Variants in SLC25A29 observed in about 807,000 individuals in gnomAD.
SLC25A29 encodes solute carrier family 25 member 29.
Under a neutral mutation model 10.0 loss-of-function variants are expected in SLC25A29, and 13 were observed. The ratio of observed to expected loss-of-function variants is 1.30; its 90% CI spans 0.85 to 2.07. The LOEUF (loss-of-function observed/expected upper bound fraction) is 2.07, where lower values mean the gene tolerates loss of function less well. Ranked by LOEUF, SLC25A29 falls within the 30% of genes most tolerant of loss-of-function variation. SLC25A29 has a pLI of 0.00. For missense variants in SLC25A29, 475 were observed against 447.6 expected, an observed-to-expected ratio of 1.06 and a Z score of -0.55; for synonymous variants, 244 against 221.1, an observed-to-expected ratio of 1.10 and a Z score of -0.92.
chr14:100,299,369 T>G, intron 1 of SLC25A29: 1 of 1,008,552 alleles, frequency 9.9e-7, no homozygotes. Context: ...GGCCTCACTC[T>G]GGGCCTTACC....
chr14:100,301,933 C>A (rs1892583439), intron 1 of SLC25A29, among the ~76,000 whole-genome samples: 1 of 152,182 alleles, frequency 6.6e-6, no homozygotes, highest in Non-Finnish European at 1.5e-5. Context: ...GGCTCCCATC[C>A]CTGCCACCTT....
the SLC25A29 span, chr14:100,282,566 G>C: frequency 6.6e-6 from 1 of 152,112 alleles, no homozygotes; most frequent in African/African-American, 2.4e-5. Flanking sequence ...TTAGCATTTC[G>C]TCTCATGTAC....
rs560724680 is a variant in SLC25A29, at chr14:100,296,844, C to T, written c.78+1998G>A. Among the ~76,000 whole-genome samples, 33 of 152,198 alleles carry T rather than the reference C, an allele frequency of 2.2e-4. No individual in the cohort carries two copies. In the South Asian group the frequency reaches 6.0e-3, roughly 28 times the overall value. On this transcript the variant is annotated intron_variant, in intron 2 of 3. Transcript: ENST00000359232. ...TGATCTCCTGACCTTGTGATCCGCC[C>T]GCCTCAGCCTCCAGAAGTGCTGGGA... is the stretch of plus-strand genomic sequence containing the variant.
At chr14:100,300,349 A>G (rs1282749324) in intron 1 of SLC25A29, among the ~76,000 whole-genome samples, 1 of 152,194 alleles carries the variant, frequency 6.6e-6, no homozygotes, top group Non-Finnish European at 1.5e-5. Flanking sequence ...CTTTGGTTAC[A>G]TGTGACTGGT....
chr14:100,305,918 C>T, intron 1 of SLC25A29: 1 of 362,560 alleles, frequency 2.8e-6, no homozygotes, highest in Non-Finnish European at 4.9e-6. Flanking sequence ...GGCATCCTCC[C>T]GGCAGTCCTG....
At chr14:100,295,355 G>C in intron 2 of SLC25A29, 1 of 325,040 alleles carries the variant, frequency 3.1e-6, no homozygotes, top group Non-Finnish European at 6.1e-6. Flanking sequence ...GATGGGAACG[G>C]ACCCACCCCT....
chr14:100,288,382 CAAAAAAAA>C (rs541814439), downstream of SLC25A29, among the ~76,000 whole-genome samples: 6 of 63,832 alleles, frequency 9.4e-5, no homozygotes, highest in Non-Finnish European at 1.1e-4. Context: ...AACTCTATCT[CAAAAAAAA>C]AAAAAAAAAA....
At chr14:100,305,885 G>A in intron 1 of SLC25A29, 1 of 328,004 alleles carries the variant, frequency 3.0e-6, no homozygotes, top group East Asian at 4.8e-5. Flanking sequence ...ATGAGCCCGG[G>A]ACCTCGGCGC....
downstream of SLC25A29, among the ~76,000 whole-genome samples, chr14:100,288,715 C>A (rs1034733889): frequency 1.3e-5 from 2 of 149,178 alleles, no homozygotes; most frequent in African/African-American, 5.2e-5. Context: ...ACGTGTCCCC[C>A]AGTTACTCTC....
chr14:100,297,015 G>T (rs1892211047), intron 2 of SLC25A29, among the ~76,000 whole-genome samples: 1 of 152,274 alleles, frequency 6.6e-6, no homozygotes. Context: ...ACCGAGGCAG[G>T]AGAATCACTT....
chr14:100,295,813 C>T (rs372877208), intron 2 of SLC25A29: 8 of 1,289,652 alleles, frequency 6.2e-6, no homozygotes, highest in East Asian at 5.5e-5. Flanking sequence ...CAGGGATGGC[C>T]GGTCACCCCC....
intron 1 of SLC25A29, among the ~76,000 whole-genome samples, chr14:100,301,162 G>A (rs1406452967): frequency 2.6e-5 from 4 of 152,182 alleles, no homozygotes; most frequent in African/African-American, 9.7e-5. Flanking sequence ...GCCTCCCAAA[G>A]TGCTGGGATT....
At chr14:100,303,795 G>A (rs1254194935) in intron 1 of SLC25A29, among the ~76,000 whole-genome samples, 1 of 152,088 alleles carries the variant, frequency 6.6e-6, no homozygotes, top group Non-Finnish European at 1.5e-5. Flanking sequence ...GCTGGGCGGG[G>A]TGGGGAGGAA....
At position 100,298,889 on chromosome 14, in the gene SLC25A29, G is replaced by A. The variant is rs769779711; in HGVS notation, c.35-4C>T. On this transcript the variant is annotated splice_region_variant and splice_polypyrimidine_tract_variant and intron_variant, in intron 1 of 3. Coordinates refer to ENST00000359232, the MANE Select transcript of SLC25A29 (RefSeq NM_001039355.3). Reference sequence around the variant, plus strand: ...CCCACAAGCACGCCTGCCACACCTGGAGGAGGAGAGGGGGACTTGTGACCC... The same window carrying A: ...CCCACAAGCACGCCTGCCACACCTGAAGGAGGAGAGGGGGACTTGTGACCC... 9.3e-6 allele frequency: 15 copies of A among 1,614,062 alleles called. No homozygotes were observed.
intron 2 of SLC25A29, 43 bp from the exon 3 acceptor site, chr14:100,293,420 G>T (rs372064535): frequency 8.2e-6 from 13 of 1,585,320 alleles, no homozygotes; most frequent in Middle Eastern, 1.7e-4. Flanking sequence ...GGCAGGACCA[G>T]AGCACCCAGC....
At chr14:100,297,262 G>T (rs948018304) in intron 2 of SLC25A29, among the ~76,000 whole-genome samples, 1 of 152,208 alleles carries the variant, frequency 6.6e-6, no homozygotes, top group African/African-American at 2.4e-5. Context: ...AGGGTCTGGG[G>T]AGTAAAATCT....
At chr14:100,295,866 C>G in intron 2 of SLC25A29, 3 of 1,289,700 alleles carry the variant, frequency 2.3e-6, no homozygotes, top group Non-Finnish European at 3.0e-6. Context: ...ATTGCTGTGT[C>G]CAAGGAAGCA....
At chr14:100,297,505 C>T (rs890726239) in intron 2 of SLC25A29, among the ~76,000 whole-genome samples, 9 of 152,210 alleles carry the variant, frequency 5.9e-5, no homozygotes, top group Non-Finnish European at 1.2e-4. Context: ...CTGCGAGAGG[C>T]GTTCACAACA....
Position 100,292,707 on chromosome 14 carries a change from G to C in SLC25A29, c.488C>G (p.Pro163Arg). Residue 163 changes from proline to arginine, a missense_variant, in exon 4 of 4, where the codon CCC (proline) becomes CGC (arginine). Physicochemically the swap from Pro to Arg is moderately radical, Grantham distance 103 (BLOSUM62 -2). Coordinates refer to ENST00000359232, the MANE Select transcript of SLC25A29 (RefSeq NM_001039355.3). ...GGTGAGGAAGTAGACGCCGAAGCTGGGCGTCTCACGCAGCAACGTGGACAC... is the reference window on the plus strand; with the variant it reads ...GGTGAGGAAGTAGACGCCGAAGCTGCGCGTCTCACGCAGCAACGTGGACAC... ...GMVSTLLRET[P>R]SFGVYFLTYD... 1 of 1,603,170 alleles carries C rather than the reference G, an allele frequency of 6.2e-7. No homozygotes were observed.
Sources: gnomAD v4.1 joint callset for allele counts (sites outside exome capture counted in the v4.1 genomes callset) on GRCh38, gnomAD v4.1.1 for gene constraint, MANE v1.5 for transcripts, NCBI Gene and HGNC (gene_info 2026-07-23, HGNC 2026-07-21) for gene names.